MEIS2: variants seen among roughly 807,000 people sequenced by gnomAD.
The protein encoded by MEIS2 is Meis homeobox 2.
MEIS2 carries 9 observed loss-of-function variants against 58.6 expected under a neutral mutation model. The observed-to-expected ratio is 0.15, with a 90% CI of 0.09 to 0.27. The LOEUF (loss-of-function observed/expected upper bound fraction) is 0.27, where lower values mean the gene tolerates loss of function less well. Ranked by LOEUF, MEIS2 falls within the 10% of genes least tolerant of loss-of-function variation. The pLI is 1.00. For synonymous variants in MEIS2, 221 were observed against 228.4 expected (o/e 0.97, Z 0.29); for missense variants, 427 against 635.0 (o/e 0.67, Z 3.52).
chr15:37,069,896 C>A (rs902613915), intron 7 of MEIS2, among the ~76,000 whole-genome samples: 2 of 152,074 alleles, frequency 1.3e-5, no homozygotes, highest in African/African-American at 4.8e-5. Context: ...TTGCTCACCA[C>A]CTGCAGCAAG....
chr15:37,010,551 T>G (rs2061110699), intron 8 of MEIS2, among the ~76,000 whole-genome samples: 1 of 152,008 alleles, frequency 6.6e-6, no homozygotes, highest in Non-Finnish European at 1.5e-5. Context: ...CCTTCCTAAT[T>G]TTTTTTGGTA....
intron 7 of MEIS2, among the ~76,000 whole-genome samples, chr15:37,048,144 G>A (rs1274249142): frequency 6.6e-6 from 1 of 152,144 alleles, no homozygotes; most frequent in South Asian, 2.1e-4. Context: ...ACAAAAGGCC[G>A]TTTATATAAA....
chr15:37,098,371 G>GGAGAGGGGGA lies in MEIS2; in HGVS notation c.13-182_13-173dup, dbSNP rs1197231195. ...GAAGAGAGGAGGAGGAGGAAAAGGA[G>GGAGAGGGGGA]GAGAGGGGGAGAGAGAGAGAGAGAG... is the stretch of plus-strand genomic sequence containing the variant. On this transcript the variant is annotated intron_variant, in intron 1 of 11. Transcript: ENST00000561208. 9.7e-6 allele frequency: 7 copies of GGAGAGGGGGA among 719,002 alleles called. No individual in the cohort carries two copies. In the African/African-American group the frequency reaches 1.3e-4, roughly 13 times the overall value. The allele number at this position is 719,002 out of a possible 1,614,324, so 44.5% of individuals were successfully genotyped here. A position where few individuals can be genotyped will look rare whatever the true frequency, so the allele number is the denominator to read the frequency against.
chr15:36,925,035 A>T (rs2057687394), intron 9 of MEIS2, among the ~76,000 whole-genome samples: 1 of 152,188 alleles, frequency 6.6e-6, no homozygotes, highest in Non-Finnish European at 1.5e-5. Context: ...TCACCTCGGG[A>T]CGCCTTGCAG....
intron 7 of MEIS2, among the ~76,000 whole-genome samples, chr15:37,081,605 G>A (rs1180411713): frequency 6.6e-6 from 1 of 152,158 alleles, no homozygotes; most frequent in Non-Finnish European, 1.5e-5. Context: ...TTATATATGT[G>A]TTTTAATCAC....
intron 9 of MEIS2, chr15:36,898,401 G>C (rs1199399220): frequency 6.6e-6 from 1 of 152,264 alleles, no homozygotes; most frequent in Non-Finnish European, 1.5e-5. Flanking sequence ...GGTCAGAGAA[G>C]GCTCTTCTCC....
At chr15:37,030,580 AC>A (rs892376667) in intron 8 of MEIS2, among the ~76,000 whole-genome samples, 1 of 148,472 alleles carries the variant, frequency 6.7e-6, no homozygotes, top group Non-Finnish European at 1.5e-5. Flanking sequence ...CAAGCAATCC[AC>A]CCCCCTTGGC....
At chr15:36,965,654 C>T (rs2059329400) in intron 8 of MEIS2, among the ~76,000 whole-genome samples, 1 of 152,322 alleles carries the variant, frequency 6.6e-6, no homozygotes, top group East Asian at 1.9e-4. Context: ...AGAACATAAG[C>T]TTCTTGAAGA....
At chr15:37,048,668 T>C (rs564425705) in intron 7 of MEIS2, among the ~76,000 whole-genome samples, 1 of 152,184 alleles carries the variant, frequency 6.6e-6, no homozygotes, top group East Asian at 1.9e-4. Context: ...CTTCGAAACT[T>C]TGAAAGTTAG....
intron 6 of MEIS2, among the ~76,000 whole-genome samples, chr15:37,087,240 A>G (rs371836710): frequency 3.4e-4 from 51 of 152,172 alleles, no homozygotes; most frequent in African/African-American, 1.2e-3. Flanking sequence ...ACATGTTTCT[A>G]TTCCCAGTGG....
chr15:37,036,964 T>C lies in MEIS2; in HGVS notation c.755-5A>G, dbSNP rs748834800. ...CACTGTTGTCTAAACCATCCCCTAG[T>C]AGAAAGAAATAAAAATACATTAGAG... is the stretch of plus-strand genomic sequence containing the variant. On this transcript the variant is annotated splice_polypyrimidine_tract_variant and splice_region_variant and intron_variant, in intron 7 of 11. Transcript: ENST00000561208. The C allele has an allele frequency of 6.3e-7, 1 of 1,596,098 alleles. No homozygotes were observed. The highest frequency in any genetic ancestry group is 1.1e-5 in the South Asian group (1 of 87,258).
intron 8 of MEIS2, among the ~76,000 whole-genome samples, chr15:37,016,524 A>C (rs2061354406): frequency 6.6e-6 from 1 of 152,160 alleles, no homozygotes; most frequent in South Asian, 2.1e-4. Context: ...TCCCTCCAGC[A>C]GCTCGAAAAG....
At chr15:36,899,541 A>G (rs1046709742) in intron 9 of MEIS2, among the ~76,000 whole-genome samples, 1 of 152,164 alleles carries the variant, frequency 6.6e-6, no homozygotes, top group African/African-American at 2.4e-5. Context: ...ACATGAAATA[A>G]ATTTTTTTCC....
At chr15:37,077,018 C>T (rs1891513345) in intron 7 of MEIS2, among the ~76,000 whole-genome samples, 1 of 152,088 alleles carries the variant, frequency 6.6e-6, no homozygotes, top group Non-Finnish European at 1.5e-5. Flanking sequence ...AGTCACAAAT[C>T]TTGGCATTTT....
chr15:36,999,159 C>A (rs1781732937), intron 8 of MEIS2, among the ~76,000 whole-genome samples: 1 of 152,236 alleles, frequency 6.6e-6, no homozygotes, highest in Admixed American at 6.5e-5. Flanking sequence ...ACAAAGCCAT[C>A]CAACGAAACT....
intron 8 of MEIS2, among the ~76,000 whole-genome samples, chr15:36,957,020 A>C (rs1389472386): frequency 1.3e-5 from 2 of 152,174 alleles, no homozygotes; most frequent in East Asian, 1.9e-4. Context: ...GTCAAATAGC[A>C]AAAACTTTAG....
At chr15:36,893,072 C>T (rs953559551) in intron 11 of MEIS2, among the ~76,000 whole-genome samples, 4 of 152,042 alleles carry the variant, frequency 2.6e-5, no homozygotes, top group Non-Finnish European at 4.4e-5. Context: ...ATGACATGCC[C>T]GGTAGTTTAT....
chr15:37,002,741 C>T (rs548416928), intron 8 of MEIS2, among the ~76,000 whole-genome samples: 72 of 152,086 alleles, frequency 4.7e-4, no homozygotes, highest in South Asian at 4.2e-3. Flanking sequence ...CTTTTTCTTA[C>T]ATTTACTTTC....
intron 8 of MEIS2, among the ~76,000 whole-genome samples, chr15:37,023,742 C>A (rs930609434): frequency 5.9e-5 from 9 of 152,058 alleles, no homozygotes; most frequent in Non-Finnish European, 1.0e-4. Flanking sequence ...CATTTCCGTG[C>A]CTTCCTAATT....
Sources: allele counts gnomAD v4.1 joint callset (sites outside exome capture counted in the v4.1 genomes callset), GRCh38; gene constraint gnomAD v4.1.1; transcripts MANE v1.5; gene names NCBI Gene and HGNC (gene_info 2026-07-23, HGNC 2026-07-21).